OLA1: variants seen among roughly 807,000 people sequenced by gnomAD.
OLA1 encodes the protein Obg like ATPase 1, also known as obg-like ATPase 1.
OLA1 carries 14 observed loss-of-function variants against 48.4 expected under a neutral mutation model. The observed-to-expected ratio is 0.29, with a 90% CI of 0.19 to 0.45. The LOEUF (loss-of-function observed/expected upper bound fraction) is 0.45. Ranked by LOEUF, OLA1 falls within the 20% of genes least tolerant of loss-of-function variation. The pLI is 1.00. For missense variants in OLA1, 325 were observed against 467.1 expected (o/e 0.70, Z 2.80); for synonymous variants, 127 against 150.4 (o/e 0.84, Z 1.14).
intron 4 of OLA1, among the ~76,000 whole-genome samples, chr2:174,197,728 A>C (rs1383941803): frequency 6.6e-6 from 1 of 152,198 alleles, no homozygotes; most frequent in African/African-American, 2.4e-5. Flanking sequence ...GAAATGAAGA[A>C]AAAATAAATA....
At chr2:174,101,160 G>A (rs1295231364) in intron 7 of OLA1, among the ~76,000 whole-genome samples, 1 of 152,066 alleles carries the variant, frequency 6.6e-6, no homozygotes, top group African/African-American at 2.4e-5. Flanking sequence ...AGTTCCTTTT[G>A]TTCCCCTTCC....
intron 4 of OLA1, among the ~76,000 whole-genome samples, chr2:174,202,304 G>A (rs140267359): frequency 1.8e-3 from 281 of 152,204 alleles, no homozygotes; most frequent in African/African-American, 6.3e-3. Context: ...AAAATTAACT[G>A]TACTCCATAC....
intron 9 of OLA1, chr2:174,080,841 C>A (rs1574469283): frequency 4.7e-6 from 1 of 212,438 alleles, no homozygotes; most frequent in Non-Finnish European, 9.3e-6. Flanking sequence ...GCAGACAAAC[C>A]CAGTCACACA....
intron 5 of OLA1, among the ~76,000 whole-genome samples, chr2:174,132,714 C>T (rs1686212551): frequency 6.6e-6 from 1 of 152,016 alleles, no homozygotes; most frequent in South Asian, 2.1e-4. Context: ...TTCTTTATGA[C>T]TTCAATAATT....
At chr2:174,077,342 A>C (rs1352558012) in intron 10 of OLA1, among the ~76,000 whole-genome samples, 1 of 151,728 alleles carries the variant, frequency 6.6e-6, no homozygotes, top group Admixed American at 6.6e-5. Context: ...ACATACATAC[A>C]TACATACATA....
At chr2:174,096,405 G>C (rs1365460091) in intron 7 of OLA1, among the ~76,000 whole-genome samples, 1 of 152,154 alleles carries the variant, frequency 6.6e-6, no homozygotes, top group Non-Finnish European at 1.5e-5. Flanking sequence ...CTTTAAAAGG[G>C]AGAATTTTGT....
At chr2:174,099,436 GAGCCACTGCGCCT>G (rs1442551879) in intron 7 of OLA1, among the ~76,000 whole-genome samples, 1 of 152,176 alleles carries the variant, frequency 6.6e-6, no homozygotes, top group Non-Finnish European at 1.5e-5. Flanking sequence ...TTACAGGCGT[GAGCCACTGCGCCT>G]GGCCGACTTT....
At chr2:174,079,313 T>A (rs1199325354) in intron 9 of OLA1, 3 of 329,596 alleles carry the variant, frequency 9.1e-6, no homozygotes, top group Non-Finnish European at 1.6e-5. Flanking sequence ...TTGTTTTTCC[T>A]AACAGTCATC....
At chr2:174,206,604 A>G (rs1443955501) in intron 4 of OLA1, among the ~76,000 whole-genome samples, 1 of 110,818 alleles carries the variant, frequency 9.0e-6, no homozygotes, top group Non-Finnish European at 1.8e-5. Flanking sequence ...CTTAGATATA[A>G]GACCACCATG....
intron 7 of OLA1, 33 bp from the exon 8 acceptor site, chr2:174,082,097 T>C (rs750814552): frequency 1.2e-6 from 2 of 1,610,028 alleles, no homozygotes; most frequent in Non-Finnish European, 1.7e-6. Context: ...CATTATCTTG[T>C]AGTGCATGCA....
intron 4 of OLA1, among the ~76,000 whole-genome samples, chr2:174,184,733 T>A (rs780725730): frequency 6.6e-6 from 1 of 152,174 alleles, no homozygotes; most frequent in Non-Finnish European, 1.5e-5. Flanking sequence ...ACTCGATGTA[T>A]CATCTGTGAA....
chr2:174,198,172 A>G (rs1323273849), intron 4 of OLA1, among the ~76,000 whole-genome samples: 1 of 152,132 alleles, frequency 6.6e-6, no homozygotes, highest in Non-Finnish European at 1.5e-5. Flanking sequence ...CATGTTGGCC[A>G]GGATGATCTC....
At chr2:174,214,799 C>T (rs943104349) in intron 4 of OLA1, among the ~76,000 whole-genome samples, 1 of 152,100 alleles carries the variant, frequency 6.6e-6, no homozygotes, top group Non-Finnish European at 1.5e-5. Context: ...CCTGTAATCC[C>T]AGCACTTTGG....
chr2:174,089,118 A>G (rs1685048843), intron 7 of OLA1, among the ~76,000 whole-genome samples: 1 of 152,086 alleles, frequency 6.6e-6, no homozygotes, highest in African/African-American at 2.4e-5. Context: ...CTGAGGCAGG[A>G]GGATCCCTTG....
intron 4 of OLA1, among the ~76,000 whole-genome samples, chr2:174,144,967 T>A (rs1440140357): frequency 5.3e-4 from 67 of 125,534 alleles, no homozygotes; most frequent in African/African-American, 1.6e-3. Flanking sequence ...TATATATATA[T>A]ATATATATAT....
At chr2:174,164,167 C>T (rs1158480391) in intron 4 of OLA1, among the ~76,000 whole-genome samples, 3 of 152,082 alleles carry the variant, frequency 2.0e-5, no homozygotes, top group African/African-American at 7.2e-5. Flanking sequence ...TCCTCAGCCT[C>T]ATGCAGAACT....
At chr2:174,201,296 C>T (rs950583382) in intron 4 of OLA1, among the ~76,000 whole-genome samples, 1 of 152,194 alleles carries the variant, frequency 6.6e-6, no homozygotes, top group Non-Finnish European at 1.5e-5. Flanking sequence ...CTAGATTAAA[C>T]TCTCAGTTCT....
At chr2:174,086,632 GCACCATGAT>G (rs1363489401) in intron 7 of OLA1, among the ~76,000 whole-genome samples, 2 of 152,122 alleles carry the variant, frequency 1.3e-5, no homozygotes, top group Non-Finnish European at 2.9e-5. Context: ...TTGAACACAA[GCACCATGAT>G]ACCTTGACAG....
At chr2:174,091,336 C>T (rs995596160) in intron 7 of OLA1, among the ~76,000 whole-genome samples, 1 of 152,218 alleles carries the variant, frequency 6.6e-6, no homozygotes, top group African/African-American at 2.4e-5. Context: ...GGATTTTCCA[C>T]TCTTGCATTT....
Sources: gnomAD v4.1 joint callset for allele counts (sites outside exome capture counted in the v4.1 genomes callset) on GRCh38, gnomAD v4.1.1 for gene constraint, MANE v1.5 for transcripts, NCBI Gene and HGNC (gene_info 2026-07-23, HGNC 2026-07-21) for gene names.